The following KRT12 variants were observed in gnomAD, a reference collection of about 807,000 sequenced individuals.
KRT12 encodes keratin, type I cytoskeletal 12.
Under a neutral mutation model 50.2 loss-of-function variants are expected in KRT12, and 43 were observed. The ratio of observed to expected loss-of-function variants is 0.86; its 90% confidence interval spans 0.67 to 1.11. The LOEUF (loss-of-function observed/expected upper bound fraction) is 1.11. KRT12 is among the 50% of genes least tolerant of loss of function. The pLI, the probability that KRT12 is intolerant of heterozygous loss-of-function variation, is 0.00. For synonymous variants in KRT12, 257 were observed against 253.6 expected, an observed-to-expected ratio of 1.01 and a Z score of -0.13; for missense variants, 588 against 625.6, an observed-to-expected ratio of 0.94 and a Z score of 0.64.
rs982614367 is a variant in KRT12 at position 40,863,336 on chromosome 17, G to A, written c.1103C>T (p.Ser368Phe). The A allele has an allele frequency of 1.7e-5, 27 of 1,613,878 alleles. No individual in the cohort carries two copies. The highest frequency in any genetic ancestry group is 2.2e-5 in the Non-Finnish European group (26 of 1,179,924). ...ELQSQLAMKK[S>F]LEDSLAEAEG... ...GGCTTCGGCCAAGGAGTCCTCCAGG[G>A]ATTTCTTCTGCACGTGGGAGGGAAA... The change falls in exon 6 of 8, where the codon TCC becomes TTC. Residue 368 changes from serine to phenylalanine, a missense_variant. By Grantham distance (155) the Ser-to-Phe change is radical. Coordinates refer to ENST00000251643, the MANE Select transcript of KRT12 (RefSeq NM_000223.4). The surrounding 1 kb of genome is among the most constrained non-coding windows in gnomAD (Gnocchi z 4.2).
chr17:40,866,286 T>C (rs772508831), intron 1 of KRT12, 49 bp from the exon 2 acceptor site: 36 of 1,391,282 alleles, frequency 2.6e-5, no homozygotes, highest in South Asian at 1.6e-4. Flanking sequence ...AAAAGACTAG[T>C]ATTATACAAA....
chr17:40,861,814 A>G, intron 7 of KRT12, 56 bp from the exon 8 acceptor site: 2 of 1,109,104 alleles, frequency 1.8e-6, no homozygotes, highest in South Asian at 1.2e-5. Context: ...TATTAATCCA[A>G]CACTGGTTGT....
At position 40,863,990 on chromosome 17, in the gene KRT12, A is replaced by ACACACACT; in HGVS notation, c.808-127_808-126insAGTGTGTG. The ACACACACT allele has an allele frequency of 3.1e-6, 2 of 647,390 alleles. No individual in the cohort carries two copies. The highest frequency in any genetic ancestry group is 3.0e-5 in the Admixed American group (1 of 33,596). 40.1% of individuals were successfully genotyped at this position (647,390 alleles called of 1,614,324 possible). On this transcript the variant is annotated intron_variant, in intron 3 of 7. Coordinates refer to ENST00000251643, the MANE Select transcript of KRT12 (RefSeq NM_000223.4). This position sits in a 1 kb window ranked among gnomAD's most constrained non-coding sequence, Gnocchi z 4.2. ...CACACACACACACACACACACACAC[A>ACACACACT]CTTAAAAATTCTATCTTATGACTGT...
rs17566772 is a variant in KRT12, at chr17:40,867,129, G to T, written c.58C>A (p.Arg20=). The part of the protein sequence containing the change: ...LSVRTPGLSR[R]LSSQSVIGRP... ...CCTATCACACTCTGCGAGGAGAGCC[G>T]CCGGGACAGTCCGGGGGTGCGCACT... The change falls in exon 1 of 8, where the codon CGG becomes AGG. Residue 20 remains arginine, a synonymous_variant. Transcript: ENST00000251643. The T allele has an allele frequency of 1.9e-6, 3 of 1,612,694 alleles. No individual in the cohort carries two copies. In the African/African-American group the frequency reaches 4.0e-5, roughly 22 times the overall value.
Position 40,864,786 on chromosome 17 carries a change from G to C in KRT12, c.807+20C>G. 1 of 1,613,252 alleles carries C rather than the reference G, an allele frequency of 6.2e-7. No homozygotes were observed. Among genetic ancestry groups the C allele is most frequent in the Non-Finnish European group, 8.5e-7 (1 of 1,179,704 alleles). On this transcript the variant is annotated intron_variant, in intron 3 of 7. Coordinates refer to ENST00000251643, the MANE Select transcript of KRT12 (RefSeq NM_000223.4). ...GAGAAAAAAAAAAGTAGCTGAGTGA[G>C]GCTGCCCTGTCTGACTCACATCCTC...
chr17:40,866,503 G>C, intron 1 of KRT12, 117 bp downstream of exon 1: 1 of 904,772 alleles, frequency 1.1e-6, no homozygotes, highest in East Asian at 2.5e-5. Context: ...TGAGAAAATT[G>C]CTGCAAGTAC....
chr17:40,863,543 G>A lies in KRT12; in HGVS notation c.1037C>T (p.Thr346Ile), dbSNP rs1906885761. 6.2e-7 allele frequency: 1 copy of A among 1,614,240 alleles called. No individual in the cohort carries two copies. The highest frequency in any genetic ancestry group is 1.3e-5 in the African/African-American group (1 of 75,076). The change falls in exon 5 of 8, where the codon ACC becomes ATC. Residue 346 changes from threonine (T) to isoleucine (I), a missense_variant. Physicochemically the swap from Thr to Ile is moderately conservative, Grantham distance 89. Transcript: ENST00000251643. This position sits in a 1 kb window ranked among gnomAD's most constrained non-coding sequence, Gnocchi z 4.2. The part of the protein sequence containing the change: ...EQLQSSKSEV[T>I]DLRRAFQNLE... ...GTTCTGAAAGGCGCGACGCAGGTCGGTGACCTCGCTCTTGCTGGACTGAAG... is the reference window on the plus strand; with the variant it reads ...GTTCTGAAAGGCGCGACGCAGGTCGATGACCTCGCTCTTGCTGGACTGAAG...
chr17:40,864,687 A>C, intron 3 of KRT12, 119 bp downstream of exon 3: 2 of 1,038,552 alleles, frequency 1.9e-6, no homozygotes, highest in Non-Finnish European at 3.0e-6. Context: ...CCATTTTAAC[A>C]GGGAGACAAT....
Position 40,866,989 on chromosome 17 carries a change from A to T in KRT12, c.198T>A (p.Ser66Arg). Residue 66 changes from serine to arginine, a missense_variant, in exon 1 of 8, where the codon AGT (serine) becomes AGA (arginine). Ser to Arg is a moderately radical substitution (Grantham distance 110, BLOSUM62 -1). Transcript: ENST00000251643. The stretch of plus-strand genomic sequence containing the variant: ...TTCCGGAGCCACCCCCAAAGCCGGA[A>T]CTAGAACCAAACATGGAAGCAGCAG... ...GFSAASMFGS[S>R]SGFGGGSGSS... 1 of 1,598,036 alleles carries T rather than the reference A, an allele frequency of 6.3e-7. No homozygotes were observed. The highest frequency in any genetic ancestry group is 8.5e-7 in the Non-Finnish European group (1 of 1,172,712).
At chr17:40,864,655 C>T in intron 3 of KRT12, 151 bp downstream of exon 3, 2 of 820,994 alleles carry the variant, frequency 2.4e-6, no homozygotes, top group Admixed American at 1.9e-5. Context: ...ACACACATCA[C>T]ACAGAAATCT....
rs969180007 is a variant in KRT12, at chr17:40,863,803, G to C, written c.869C>G (p.Pro290Arg). Residue 290 changes from proline (P) to arginine (R), a missense_variant, in exon 4 of 8, where the codon CCC (proline) becomes CGC (arginine). Physicochemically the swap from Pro to Arg is moderately radical, Grantham distance 103. Coordinates refer to ENST00000251643, the MANE Select transcript of KRT12 (RefSeq NM_000223.4). This position sits in a 1 kb window ranked among gnomAD's most constrained non-coding sequence, Gnocchi z 4.2. ...GEVSVEMDAAPGVDLTRLLND... is the reference protein window; with the variant it reads ...GEVSVEMDAARGVDLTRLLND... ...GAGGAGCCTGGTGAGGTCCACTCCG[G>C]GGGCAGCGTCCATTTCTACGCTGAC... 1.2e-6 allele frequency: 2 copies of C among 1,612,374 alleles called. No homozygotes were observed. The highest frequency in any genetic ancestry group is 1.3e-5 in the African/African-American group (1 of 74,974).
chr17:40,863,295 C>T lies in KRT12; in HGVS notation c.1144G>A (p.Ala382Thr), dbSNP rs1906874649. Residue 382 changes from alanine to threonine, a missense_variant, in exon 6 of 8, where the codon GCG becomes ACG. Physicochemically the swap from Ala to Thr is moderately conservative, Grantham distance 58. Coordinates refer to ENST00000251643, the MANE Select transcript of KRT12 (RefSeq NM_000223.4). The surrounding 1 kb of genome is among the most constrained non-coding windows in gnomAD (Gnocchi z 4.2). ...SLAEAEGDYC[A>T]QLSQVQQLIS... ...AGCTGCTGCACCTGGGACAGCTGCG[C>T]GCAGTAATCGCCCTCGGCTTCGGCC... 2 of 1,613,868 alleles carry T rather than the reference C, an allele frequency of 1.2e-6. No homozygotes were observed. Among genetic ancestry groups the T allele is most frequent in the African/African-American group, 1.3e-5 (1 of 74,940 alleles).
chr17:40,864,455 T>C (rs1449457492), intron 3 of KRT12, among the ~76,000 whole-genome samples: 6 of 152,226 alleles, frequency 3.9e-5, no homozygotes. Flanking sequence ...TATATATTAT[T>C]GGTAGACTTT....
In KRT12 at chr17:40,863,442, T is replaced by C. The variant is rs916237534; in HGVS notation, c.1095+43A>G. The C allele has an allele frequency of 1.9e-6, 3 of 1,614,250 alleles. No homozygotes were observed. Among genetic ancestry groups the C allele is most frequent in the Admixed American group, 3.3e-5 (2 of 60,036 alleles). ...TGTAATTTGGATGCAGCATTTTCTT[T>C]GGAAGTCCAAAGGATGCTACGTCTG... On this transcript the variant is annotated intron_variant, in intron 5 of 7. Transcript: ENST00000251643. This position sits in a 1 kb window ranked among gnomAD's most constrained non-coding sequence, Gnocchi z 4.2.
chr17:40,866,925 C>T lies in KRT12; in HGVS notation c.262G>A (p.Ala88Thr). The T allele has an allele frequency of 6.2e-7, 1 of 1,613,226 alleles. No individual in the cohort carries two copies. Among genetic ancestry groups the T allele is most frequent in the Non-Finnish European group, 8.5e-7 (1 of 1,179,676 alleles). ...CCTCCAAAGCTACCTCCACCCAGGG[C>T]TCTCCCATAACCAGCACCCAGTCCT... is the stretch of plus-strand genomic sequence containing the variant. ...AGGLGAGYGR[A>T]LGGGSFGGLG... The change falls in exon 1 of 8, where the codon GCC becomes ACC. Residue 88 changes from alanine (A) to threonine (T), a missense_variant. Coordinates refer to ENST00000251643, the MANE Select transcript of KRT12 (RefSeq NM_000223.4).
In KRT12 at chr17:40,863,104, G is replaced by A; in HGVS notation, c.1316+19C>T. 6.2e-7 allele frequency: 1 copy of A among 1,610,686 alleles called. No individual in the cohort carries two copies. Among genetic ancestry groups the A allele is most frequent in the East Asian group, 2.2e-5 (1 of 44,852 alleles). On this transcript the variant is annotated intron_variant, in intron 6 of 7. Transcript: ENST00000251643. This position sits in a 1 kb window ranked among gnomAD's most constrained non-coding sequence, Gnocchi z 4.2. ...TGGTCAGCCCCTGAAGGTGTTTACA[G>A]CCTCCGTTGTCTGCTCACCCTTGGG...
At chr17:40,865,002 A>G in intron 2 of KRT12, 40 bp from the exon 3 acceptor site, 1 of 1,608,642 alleles carries the variant, frequency 6.2e-7, no homozygotes. Flanking sequence ...AATCAACACA[A>G]CCATTTGAAC....
In KRT12 at chr17:40,862,648, A is replaced by G; in HGVS notation, c.1317-13T>C. On this transcript the variant is annotated splice_polypyrimidine_tract_variant and intron_variant, in intron 6 of 7. Transcript: ENST00000251643. Reference sequence around the variant, plus strand: ...CTCCAAACCATCACTGTAAGAAAACAAAGGAGATGACCTCAAAAAGTGAAA... The same window carrying G: ...CTCCAAACCATCACTGTAAGAAAACGAAGGAGATGACCTCAAAAAGTGAAA... 1.3e-6 allele frequency: 2 copies of G among 1,596,804 alleles called. No individual in the cohort carries two copies. Among genetic ancestry groups the G allele is most frequent in the Non-Finnish European group, 1.7e-6 (2 of 1,164,258 alleles).
chr17:40,862,556 T>C lies in KRT12; in HGVS notation c.1387+9A>G. 1.2e-6 allele frequency: 2 copies of C among 1,601,110 alleles called. No homozygotes were observed. The highest frequency in any genetic ancestry group is 1.7e-6 in the Non-Finnish European group (2 of 1,168,214). On this transcript the variant is annotated intron_variant, in intron 7 of 7. Transcript: ENST00000251643. ...ACTTATTCTAAGTGATTCTAGGGTTTCTGCATACCTTTAGAGGAATCAGTT... is the reference window on the plus strand; with the variant it reads ...ACTTATTCTAAGTGATTCTAGGGTTCCTGCATACCTTTAGAGGAATCAGTT...
Sources: allele counts gnomAD v4.1 joint callset (sites outside exome capture counted in the v4.1 genomes callset), GRCh38; gene constraint gnomAD v4.1.1; non-coding constraint Gnocchi (gnomAD v3.1); transcripts MANE v1.5; gene names NCBI Gene and HGNC (gene_info 2026-07-23, HGNC 2026-07-21).